The following LRP6 variants were observed in gnomAD, a reference collection of about 807,000 sequenced individuals.
LRP6 encodes the protein low-density lipoprotein receptor-related protein 6.
A neutral mutation model predicts 184.1 loss-of-function variants in LRP6; 43 were observed. The observed-to-expected ratio is 0.23, with a 90% CI of 0.18 to 0.30. The LOEUF (loss-of-function observed/expected upper bound fraction) is 0.30, where lower values mean the gene tolerates loss of function less well. Ranked by LOEUF, LRP6 falls within the 10% of genes least tolerant of loss-of-function variation. The pLI is 1.00. For synonymous variants in LRP6, 719 were observed against 684.9 expected (o/e 1.05, Z -0.78); for missense variants, 1,571 against 2,005.3 (o/e 0.78, Z 4.14).
intron 18 of LRP6, 148 bp from the exon 19 acceptor site, chr12:12,131,041 G>A (rs1949745073): frequency 3.7e-6 from 2 of 535,720 alleles, no homozygotes; most frequent in Non-Finnish European, 6.6e-6. Context: ...GAGTTCCATT[G>A]GTTGAGAGAG....
At chr12:12,190,123 C>T (rs2137012017) in intron 3 of LRP6, among the ~76,000 whole-genome samples, 1 of 152,308 alleles carries the variant, frequency 6.6e-6, no homozygotes, top group East Asian at 1.9e-4. Context: ...ACTAAGAACA[C>T]TATCATGCAA....
intron 10 of LRP6, 132 bp from the exon 11 acceptor site, chr12:12,160,096 T>C (rs1862704141): frequency 1.5e-6 from 1 of 658,966 alleles, no homozygotes. Context: ...TTAAACAAAA[T>C]CACGGCTACA....
At chr12:12,140,271 T>C (rs1565549908) in intron 15 of LRP6, among the ~76,000 whole-genome samples, 1 of 151,338 alleles carries the variant, frequency 6.6e-6, no homozygotes, top group African/African-American at 2.4e-5. Context: ...AAAAGAGCCC[T>C]TGGAAATTAA....
chr12:12,162,365 C>T lies in LRP6; in HGVS notation c.2107G>A (p.Gly703Ser), dbSNP rs754570231. 2.5e-6 allele frequency: 4 copies of T among 1,614,012 alleles called. No individual in the cohort carries two copies. The highest frequency in any genetic ancestry group is 2.2e-5 in the East Asian group (1 of 44,884). ...GSALEHVVEFGLDYPEGMAVD... is the reference protein window; with the variant it reads ...GSALEHVVEFSLDYPEGMAVD... ...GCCATGCCTTCTGGATAATCTAAGC[C>T]GAATTCTACCACATGTTCCAGTGCA... The change falls in exon 10 of 23, where the codon GGC becomes AGC. Residue 703 changes from glycine to serine, a missense_variant. Coordinates refer to ENST00000261349, the MANE Select transcript of LRP6 (RefSeq NM_002336.3).
At chr12:12,257,779 C>CCAAAAA (rs1865504951) in intron 1 of LRP6, among the ~76,000 whole-genome samples, 1 of 35,320 alleles carries the variant, frequency 2.8e-5, no homozygotes, top group African/African-American at 1.1e-4. Context: ...CCTGTCTCTA[C>CCAAAAA]AAAAAAAAAA....
chr12:12,199,888 C>T (rs1261779508), intron 3 of LRP6, among the ~76,000 whole-genome samples: 3 of 144,234 alleles, frequency 2.1e-5, no homozygotes, highest in Admixed American at 7.2e-5. Flanking sequence ...CGCTTGAACC[C>T]GGGAGGCAGA....
chr12:12,171,872 T>TA (rs1263760437), intron 7 of LRP6, among the ~76,000 whole-genome samples: 3 of 152,360 alleles, frequency 2.0e-5, no homozygotes, highest in African/African-American at 7.2e-5. Flanking sequence ...TGCTCTGTCT[T>TA]AAAGAAATCA....
chr12:12,190,556 T>C (rs573545675), intron 3 of LRP6, among the ~76,000 whole-genome samples: 6 of 152,324 alleles, frequency 3.9e-5, no homozygotes, highest in South Asian at 2.1e-4. Flanking sequence ...TGCTAGCTCT[T>C]TGAGATTCTT....
rs1862815673 is a variant in LRP6 at position 12,164,303 on chromosome 12, GT to G, written c.2021del (p.Asn674ThrfsTer18). On this transcript the variant is annotated frameshift_variant, in exon 9 of 23. Coordinates refer to ENST00000261349, the MANE Select transcript of LRP6 (RefSeq NM_002336.3). LOFTEE classifies it high-confidence loss of function. ...GTGATATATCAGTCCAATAAATTCG[GT>G]TGTCTGTCACATCAAAATCCAAAGC... is the stretch of plus-strand genomic sequence containing the variant. ...ASALDFDVTD[N>X]RIYWTDISLK... The G allele has an allele frequency of 6.2e-7, 1 of 1,613,854 alleles. No individual in the cohort carries two copies. The highest frequency in any genetic ancestry group is 1.3e-5 in the African/African-American group (1 of 74,852).
intron 13 of LRP6, among the ~76,000 whole-genome samples, chr12:12,149,531 T>C (rs542686661): frequency 1.7e-4 from 26 of 152,342 alleles, no homozygotes; most frequent in South Asian, 4.2e-4. Flanking sequence ...AGAGGCAATA[T>C]TGCCCCGCCA....
chr12:12,156,870 T>C (rs1053819758), intron 12 of LRP6, among the ~76,000 whole-genome samples: 1 of 152,238 alleles, frequency 6.6e-6, no homozygotes, highest in African/African-American at 2.4e-5. Context: ...CCTTCTTTTC[T>C]CTCCATCAGA....
intron 7 of LRP6, among the ~76,000 whole-genome samples, chr12:12,174,825 C>T (rs1238487050): frequency 6.6e-6 from 1 of 152,136 alleles, no homozygotes; most frequent in Non-Finnish European, 1.5e-5. Flanking sequence ...CTTCTTTATT[C>T]AAAAGTTCTT....
rs1179165326 is a variant in LRP6, at chr12:12,116,996, G to A, written c.*4130C>T. The stretch of plus-strand genomic sequence containing the variant: ...ATTATAAACGTATAATTTTATACTT[G>A]AGGTCCAAAGTCTTCTACCATAAAA... On this transcript the variant is annotated 3_prime_UTR_variant, in exon 23 of 23. Coordinates refer to ENST00000261349, the MANE Select transcript of LRP6 (RefSeq NM_002336.3). 6.6e-6 allele frequency: 1 copy of A among 151,974 alleles called. No homozygotes were observed. The highest frequency in any genetic ancestry group is 1.5e-5 in the Non-Finnish European group (1 of 67,998). 9.4% of individuals were successfully genotyped at this position (151,974 alleles called of 1,614,324 possible).
chr12:12,222,288 G>A (rs1450209889), intron 2 of LRP6, among the ~76,000 whole-genome samples: 2 of 152,002 alleles, frequency 1.3e-5, no homozygotes, highest in African/African-American at 2.4e-5. Flanking sequence ...GATCACGGCC[G>A]GGTGCAGTGG....
chr12:12,145,746 C>T (rs543657393), intron 15 of LRP6, among the ~76,000 whole-genome samples: 2 of 151,534 alleles, frequency 1.3e-5, no homozygotes, highest in East Asian at 3.9e-4. Context: ...ATTCTCCTGC[C>T]TCAGCCTGCC....
At chr12:12,165,029 C>T (rs753871460) in intron 8 of LRP6, 50 bp downstream of exon 8, 1 of 1,304,326 alleles carries the variant, frequency 7.7e-7, no homozygotes, top group Non-Finnish European at 1.1e-6. Context: ...CTATCTCCAT[C>T]TTTTTTCATT....
intron 1 of LRP6, among the ~76,000 whole-genome samples, chr12:12,261,781 T>C (rs545353999): frequency 1.3e-5 from 2 of 152,120 alleles, no homozygotes; most frequent in Non-Finnish European, 2.9e-5. Flanking sequence ...ACTCCAAAAT[T>C]TGTTCTACTT....
At chr12:12,147,099 C>T (rs1349431868) in intron 15 of LRP6, among the ~76,000 whole-genome samples, 7 of 151,472 alleles carry the variant, frequency 4.6e-5, no homozygotes, top group Non-Finnish European at 4.4e-5. Context: ...CCAGCCTGGG[C>T]GATAAAGCAA....
chr12:12,190,193 C>T (rs1863576461), intron 3 of LRP6, among the ~76,000 whole-genome samples: 1 of 152,220 alleles, frequency 6.6e-6, no homozygotes, highest in Non-Finnish European at 1.5e-5. Context: ...GGGATAACCA[C>T]ACAGAGTATT....
Sources: allele counts gnomAD v4.1 joint callset (sites outside exome capture counted in the v4.1 genomes callset), GRCh38; gene constraint gnomAD v4.1.1; transcripts MANE v1.5; gene names NCBI Gene and HGNC (gene_info 2026-07-23, HGNC 2026-07-21).